The following SLC22A15 variants were observed in gnomAD, a reference collection of about 807,000 sequenced individuals.
The protein encoded by SLC22A15 is solute carrier family 22 member 15.
Under a neutral mutation model 62.7 loss-of-function variants are expected in SLC22A15, and 45 were observed. The observed-to-expected ratio is 0.72, with a 90% CI of 0.56 to 0.92. The LOEUF (loss-of-function observed/expected upper bound fraction) is 0.92. Among genes scored for constraint, SLC22A15 ranks in the 40% least tolerant of loss-of-function variants. The pLI is 0.00. For missense variants in SLC22A15, 622 were observed against 665.6 expected, an observed-to-expected ratio of 0.93 and a Z score of 0.72; for synonymous variants, 264 against 267.0, an observed-to-expected ratio of 0.99 and a Z score of 0.11.
intron 2 of SLC22A15, among the ~76,000 whole-genome samples, chr1:116,007,677 A>G (rs534529751): frequency 5.3e-5 from 8 of 152,318 alleles, no homozygotes; most frequent in African/African-American, 1.2e-4. Flanking sequence ...CATAGATGCT[A>G]TGTATTTAGT....
In SLC22A15 at chr1:115,991,965, G is replaced by C. The variant is rs1655158131; in HGVS notation, c.88-66G>C. The C allele has an allele frequency of 1.9e-5, 27 of 1,392,232 alleles. No homozygotes were observed. The South Asian group carries it at 3.1e-4, about 16-fold the overall frequency. The allele number at this position is 1,392,232 out of a possible 1,614,324, so 86.2% of individuals were successfully genotyped here. ...CTGATCTTTCAAGGTTTGCAAGCCT[G>C]CTAAGTGTCTTCAACATTGATGGCA... On this transcript the variant is annotated intron_variant, in intron 1 of 11. Coordinates refer to ENST00000369503, the MANE Select transcript of SLC22A15 (RefSeq NM_018420.3).
chr1:116,060,022 CTCT>C (rs1658338369), intron 8 of SLC22A15, among the ~76,000 whole-genome samples: 1 of 152,136 alleles, frequency 6.6e-6, no homozygotes, highest in Non-Finnish European at 1.5e-5. Context: ...TTTTAAATCG[CTCT>C]TTTTTCTCGA....
chr1:116,012,661 C>T (rs935774233), intron 2 of SLC22A15, among the ~76,000 whole-genome samples: 18 of 152,094 alleles, frequency 1.2e-4, no homozygotes, highest in East Asian at 1.2e-3. Context: ...GTAAGATACA[C>T]GCTGAAACAA....
intron 8 of SLC22A15, among the ~76,000 whole-genome samples, chr1:116,055,620 C>T (rs1658182175): frequency 1.3e-5 from 2 of 151,218 alleles, no homozygotes; most frequent in Middle Eastern, 3.4e-3. Flanking sequence ...AATTTTAGAC[C>T]AATATCCTTG....
intron 2 of SLC22A15, among the ~76,000 whole-genome samples, chr1:116,001,530 T>C (rs972613596): frequency 2.0e-5 from 3 of 152,292 alleles, no homozygotes; most frequent in African/African-American, 7.2e-5. Flanking sequence ...TTTTATTCTT[T>C]TTTCTTTTGA....
chr1:115,992,335 C>A, intron 2 of SLC22A15, 92 bp downstream of exon 2: 1 of 1,065,084 alleles, frequency 9.4e-7, no homozygotes, highest in Non-Finnish European at 1.4e-6. Flanking sequence ...ATATCAGCCA[C>A]ATTTTCAAAT....
chr1:116,024,698 A>T lies in SLC22A15; in HGVS notation c.599-2195A>T, dbSNP rs938649588. Among the ~76,000 whole-genome samples the T allele has an allele frequency of 3.9e-5, 6 of 152,296 alleles. No individual in the cohort carries two copies. In the East Asian group the frequency reaches 7.7e-4, roughly 20 times the overall value. On this transcript the variant is annotated intron_variant, in intron 4 of 11. Coordinates refer to ENST00000369503, the MANE Select transcript of SLC22A15 (RefSeq NM_018420.3). Reference sequence around the variant, plus strand: ...GGCGTTGAAGATGCCCAGAACCAGAAGTCAGATGCTTCTCATTTCAGCTCC... The same window carrying T: ...GGCGTTGAAGATGCCCAGAACCAGATGTCAGATGCTTCTCATTTCAGCTCC...
intron 1 of SLC22A15, among the ~76,000 whole-genome samples, chr1:115,989,918 G>A (rs1356431576): frequency 6.6e-6 from 1 of 152,224 alleles, no homozygotes; most frequent in African/African-American, 2.4e-5. Context: ...TGTTGAGTGT[G>A]TAGGCCCTGG....
intron 8 of SLC22A15, among the ~76,000 whole-genome samples, chr1:116,061,396 C>G (rs1339114987): frequency 6.6e-6 from 1 of 152,068 alleles, no homozygotes; most frequent in South Asian, 2.1e-4. Context: ...TTCTCTTTGG[C>G]AGAAATGTCA....
intron 2 of SLC22A15, among the ~76,000 whole-genome samples, chr1:115,997,312 G>A (rs956837376): frequency 6.6e-5 from 10 of 151,974 alleles, no homozygotes; most frequent in Non-Finnish European, 2.9e-5. Flanking sequence ...ATAAATTTTA[G>A]AATGATTTTT....
chr1:116,036,477 A>T (rs1391621401), intron 7 of SLC22A15, among the ~76,000 whole-genome samples: 11 of 152,278 alleles, frequency 7.2e-5, no homozygotes, highest in Middle Eastern at 6.8e-3. Flanking sequence ...AATCTGAAGC[A>T]GAGGGAAGGA....
In SLC22A15 at chr1:115,976,682, T is replaced by C. The variant is rs754509224; in HGVS notation, c.55T>C (p.Tyr19His). ...AVGEMGIYQM[Y>H]LCFLLAVLLQ... ...GGGGGAGATGGGCATCTACCAGATG[T>C]ACTTGTGCTTCCTGCTGGCCGTGCT... Residue 19 changes from tyrosine (Y) to histidine (H), a missense_variant, in exon 1 of 12, where the codon TAC becomes CAC. Transcript: ENST00000369503. 1 of 1,586,974 alleles carries C rather than the reference T, an allele frequency of 6.3e-7. No homozygotes were observed. Among genetic ancestry groups the C allele is most frequent in the South Asian group, 1.1e-5 (1 of 88,896 alleles).
At chr1:116,055,203 T>A (rs1658168451) in intron 8 of SLC22A15, among the ~76,000 whole-genome samples, 1 of 151,452 alleles carries the variant, frequency 6.6e-6, no homozygotes, top group East Asian at 2.0e-4. Context: ...ATAGACGCAA[T>A]AAAAAATGAT....
intron 4 of SLC22A15, among the ~76,000 whole-genome samples, chr1:116,024,198 G>A (rs1434977865): frequency 6.6e-6 from 1 of 152,206 alleles, no homozygotes; most frequent in Non-Finnish European, 1.5e-5. Context: ...AAGCAGTGGA[G>A]AAGAAAGAGG....
intron 5 of SLC22A15, chr1:116,027,310 C>G: frequency 1.8e-6 from 1 of 554,238 alleles, no homozygotes; most frequent in Non-Finnish European, 3.5e-6. Flanking sequence ...CCTAATACCT[C>G]AACCTTAAAG....
intron 1 of SLC22A15, among the ~76,000 whole-genome samples, chr1:115,977,862 T>C (rs1654393407): frequency 6.6e-6 from 1 of 152,216 alleles, no homozygotes; most frequent in African/African-American, 2.4e-5. Flanking sequence ...GGTTGACTTA[T>C]TGATTAAAAT....
intron 8 of SLC22A15, among the ~76,000 whole-genome samples, chr1:116,054,514 A>G (rs1040752141): frequency 6.6e-6 from 1 of 152,170 alleles, no homozygotes; most frequent in African/African-American, 2.4e-5. Flanking sequence ...AAAGTTAAAC[A>G]AGGATACCCA....
chr1:116,051,124 AT>A (rs1276247782), intron 8 of SLC22A15, among the ~76,000 whole-genome samples: 7 of 152,260 alleles, frequency 4.6e-5, no homozygotes, highest in Non-Finnish European at 7.3e-5. Context: ...TAGAATCAAT[AT>A]TGTGAAAATT....
chr1:116,045,228 G>A (rs1570764641), intron 8 of SLC22A15, among the ~76,000 whole-genome samples: 1 of 151,838 alleles, frequency 6.6e-6, no homozygotes. Context: ...TATTGTTTTA[G>A]TAGAGACGGA....
Sources: gnomAD v4.1 joint callset for allele counts (sites outside exome capture counted in the v4.1 genomes callset) on GRCh38, gnomAD v4.1.1 for gene constraint, MANE v1.5 for transcripts, NCBI Gene and HGNC (gene_info 2026-07-23, HGNC 2026-07-21) for gene names.